LHX8: variants seen among roughly 807,000 people sequenced by gnomAD.
The protein encoded by LHX8 is LIM/homeobox protein Lhx8.
Under a neutral mutation model 40.3 loss-of-function variants are expected in LHX8, and 12 were observed. That is an observed-to-expected ratio of 0.30 (90% CI 0.19 to 0.48). The LOEUF (loss-of-function observed/expected upper bound fraction) is 0.48. LHX8 is among the 20% of genes least tolerant of loss of function. The pLI is 0.99. For missense variants in LHX8, 344 were observed against 433.7 expected (o/e 0.79, Z 1.84); for synonymous variants, 179 against 162.0 (o/e 1.10, Z -0.80).
rs531685269 is a variant in LHX8, at chr1:75,150,787, C to T, written c.780+2105C>T. ...CGCCTCCCGGGTTCAAGCAATTCTC[C>T]TGCCTCAGCCTTCTGAGTAGCTGGG... On this transcript the variant is annotated intron_variant, in intron 7 of 8. Coordinates refer to ENST00000356261, the MANE Select transcript of LHX8 (RefSeq NM_001256114.2). 1.8e-4 allele frequency among the ~76,000 whole-genome samples: 27 copies of T among 151,786 alleles called. No homozygotes were observed. The South Asian group carries it at 5.6e-3, about 32-fold the overall frequency.
In LHX8 at chr1:75,152,517, C is replaced by T. The variant is rs978872619; in HGVS notation, c.780+3835C>T. On this transcript the variant is annotated intron_variant, in intron 7 of 8. Transcript: ENST00000356261. ...TCCATATTAACATCATATTTATTGCCACATATATTGAGCATAGCACAATTT... is the reference window on the plus strand; with the variant it reads ...TCCATATTAACATCATATTTATTGCTACATATATTGAGCATAGCACAATTT... Among the ~76,000 whole-genome samples the T allele has an allele frequency of 1.6e-4, 25 of 152,112 alleles. 1 individual carries two copies. Among genetic ancestry groups the T allele is most frequent in the Admixed American group, 6.5e-5 (1 of 15,268 alleles).
the LHX8 span, among the ~76,000 whole-genome samples, chr1:75,197,144 T>C: frequency 0.018 from 2,737 of 152,340 alleles, 71 homozygotes; most frequent in African/African-American, 0.056. Flanking sequence ...AATTTAATTT[T>C]AAAGTATTAA....
intron 5 of LHX8, among the ~76,000 whole-genome samples, chr1:75,143,633 A>C (rs542095467): frequency 6.6e-6 from 1 of 152,274 alleles, no homozygotes; most frequent in African/African-American, 2.4e-5. Context: ...GTGTACTTCT[A>C]ACTTTTTGAA....
the LHX8 span, among the ~76,000 whole-genome samples, chr1:75,176,483 T>C: frequency 6.6e-6 from 1 of 152,246 alleles, no homozygotes; most frequent in Non-Finnish European, 1.5e-5. Context: ...TTGAGAAGTG[T>C]CTGTTCATAT....
the LHX8 span, among the ~76,000 whole-genome samples, chr1:75,188,601 G>A: frequency 6.6e-6 from 1 of 152,044 alleles, no homozygotes; most frequent in Non-Finnish European, 1.5e-5. Context: ...TGTCCTTATG[G>A]AGCCCATTCC....
chr1:75,130,833 G>T, upstream of LHX8: 2 of 1,183,174 alleles, frequency 1.7e-6, no homozygotes, highest in South Asian at 1.2e-5. Context: ...CCAAAGACAC[G>T]GTCTCCTAAC....
chr1:75,160,371 G>A (rs1419366477), intron 8 of LHX8: 1 of 168,056 alleles, frequency 6.0e-6, no homozygotes, highest in African/African-American at 2.4e-5. Context: ...AAAATTGTGT[G>A]TGTTCACATG....
chr1:75,181,399 T>G, the LHX8 span, among the ~76,000 whole-genome samples: 1 of 152,162 alleles, frequency 6.6e-6, no homozygotes, highest in Non-Finnish European at 1.5e-5. Flanking sequence ...TTTGTTTACT[T>G]ACTCAAGCCT....
the LHX8 span, among the ~76,000 whole-genome samples, chr1:75,179,703 T>C: frequency 7.9e-3 from 1,203 of 152,216 alleles, 13 homozygotes; most frequent in Middle Eastern, 0.024. Context: ...AAGGTTAATA[T>C]TGTTATGTGT....
At chr1:75,131,307 A>G (rs1172120644), upstream of LHX8, 1 of 168,256 alleles carries the variant, frequency 5.9e-6, no homozygotes, top group Non-Finnish European at 1.3e-5. Context: ...AGTTCTCTCA[A>G]ACGTGTGGTT....
upstream of LHX8, among the ~76,000 whole-genome samples, chr1:75,134,304 C>A (rs185372382): frequency 6.6e-6 from 1 of 151,996 alleles, no homozygotes. Flanking sequence ...CCCCCACACG[C>A]CCCCTTCCTT....
At chr1:75,176,648 C>T in the LHX8 span, among the ~76,000 whole-genome samples, 2 of 152,138 alleles carry the variant, frequency 1.3e-5, no homozygotes, top group Non-Finnish European at 2.9e-5. Context: ...ATGGTAGTTT[C>T]TTTTGCTGTG....
chr1:75,154,404 A>T (rs114056980), intron 7 of LHX8, among the ~76,000 whole-genome samples: 1,845 of 150,522 alleles, frequency 0.012, 28 homozygotes, highest in African/African-American at 0.038. Flanking sequence ...TTTTTTTTTC[A>T]ATCAAAAGAT....
chr1:75,156,231 G>GTTTTGTT (rs200898171), intron 7 of LHX8, among the ~76,000 whole-genome samples: 4 of 62,298 alleles, frequency 6.4e-5, no homozygotes, highest in South Asian at 4.8e-4. Context: ...TGTTGTTGTT[G>GTTTTGTT]TTGTTTTGTT....
chr1:75,175,657 T>G, the LHX8 span, among the ~76,000 whole-genome samples: 16 of 152,088 alleles, frequency 1.1e-4, no homozygotes, highest in South Asian at 3.3e-3. Flanking sequence ...GGGATTATTT[T>G]ATTTTATTTT....
chr1:75,179,572 G>A, the LHX8 span, among the ~76,000 whole-genome samples: 11 of 140,630 alleles, frequency 7.8e-5, no homozygotes, highest in South Asian at 2.3e-4. Context: ...TATTTTGAGC[G>A]TATGTGTGTC....
At chr1:75,130,813 G>A (rs924338776), upstream of LHX8, 27 of 1,386,902 alleles carry the variant, frequency 1.9e-5, no homozygotes, top group African/African-American at 3.5e-4. Context: ...TACACGTGAT[G>A]GGCAAAAATC....
the LHX8 span, among the ~76,000 whole-genome samples, chr1:75,167,354 GA>G: frequency 6.6e-6 from 1 of 152,118 alleles, no homozygotes. Flanking sequence ...AAAGTACTTA[GA>G]AAAGTATCTG....
Position 75,157,056 on chromosome 1 carries a change from C to T in LHX8, c.944C>T (p.Ala315Val), listed in dbSNP as rs34889650. 1.9e-3 allele frequency: 3,122 copies of T among 1,614,100 alleles called. 8 individuals carry two copies. Among genetic ancestry groups the T allele is most frequent in the South Asian group, 3.6e-3 (331 of 91,086 alleles). ...YVPQDGTMLT[A>V]LHSYMDAHSP... Reference sequence around the variant, plus strand: ...CCCCAAGATGGAACGATGTTAACTGCGCTGCATAGTTATATGGATGGTAGG... The same window carrying T: ...CCCCAAGATGGAACGATGTTAACTGTGCTGCATAGTTATATGGATGGTAGG... Residue 315 changes from alanine to valine, a missense_variant, in exon 8 of 9, where the codon GCG becomes GTG. Around this residue, in one of 3 missense-constraint regions of LHX8, gnomAD observed 89 missense variants for 92.8 expected, o/e 0.96. Transcript: ENST00000356261.
Sources: allele counts gnomAD v4.1 joint callset (sites outside exome capture counted in the v4.1 genomes callset), GRCh38; gene constraint gnomAD v4.1.1; regional missense constraint gnomAD v4.1.1; transcripts MANE v1.5; gene names NCBI Gene and HGNC (gene_info 2026-07-23, HGNC 2026-07-21).